Variants in CNKSR3 observed in about 807,000 individuals in gnomAD.
The protein encoded by CNKSR3 is connector enhancer of kinase suppressor of ras 3.
CNKSR3 carries 36 observed loss-of-function variants against 67.7 expected under a neutral mutation model. That is an observed-to-expected ratio of 0.53 (90% CI 0.41 to 0.70). CNKSR3 has a LOEUF of 0.70. CNKSR3 is among the 30% of genes least tolerant of loss of function. CNKSR3 has a pLI of 0.00. For missense variants in CNKSR3, 630 were observed against 695.2 expected (o/e 0.91, Z 1.05); for synonymous variants, 281 against 271.4 (o/e 1.04, Z -0.35).
intron 9 of CNKSR3, among the ~76,000 whole-genome samples, chr6:154,420,490 C>T (rs1785118161): frequency 6.6e-6 from 1 of 151,726 alleles, no homozygotes; most frequent in Non-Finnish European, 1.5e-5. Context: ...GAGATCGAGA[C>T]CATCCCGGCT....
At chr6:154,436,316 C>T (rs1430242914) in intron 4 of CNKSR3, among the ~76,000 whole-genome samples, 2 of 152,156 alleles carry the variant, frequency 1.3e-5, no homozygotes, top group African/African-American at 4.8e-5. Context: ...GGACTACAGG[C>T]ACACACCACC....
At chr6:154,489,333 C>T (rs1411755487) in intron 1 of CNKSR3, among the ~76,000 whole-genome samples, 1 of 152,290 alleles carries the variant, frequency 6.6e-6, no homozygotes, top group East Asian at 1.9e-4. Flanking sequence ...GAGTTCAAGA[C>T]TAGTCTTGGT....
At chr6:154,424,903 T>C (rs1346793106) in intron 7 of CNKSR3, among the ~76,000 whole-genome samples, 1 of 152,050 alleles carries the variant, frequency 6.6e-6, no homozygotes, top group African/African-American at 2.4e-5. Flanking sequence ...TCCCGGGTAG[T>C]TGGGATTATA....
chr6:154,510,228 G>A lies in CNKSR3; in HGVS notation c.-114C>T. 7.8e-7 allele frequency: 1 copy of A among 1,274,436 alleles called. No homozygotes were observed. Among genetic ancestry groups the A allele is most frequent in the Non-Finnish European group, 1.1e-6 (1 of 889,992 alleles). 78.9% of individuals were successfully genotyped at this position (1,274,436 alleles called of 1,614,324 possible). A position where few individuals can be genotyped will look rare whatever the true frequency, so the allele number is the denominator to read the frequency against. On this transcript the variant is annotated 5_prime_UTR_variant, in exon 1 of 13. Coordinates refer to ENST00000607772, the MANE Select transcript of CNKSR3 (RefSeq NM_173515.4). ...CCCGCGGCTGCTCCCCTGCGCCCGA[G>A]CGACTCCGTCAAGACTGCATGGCCG... is the stretch of plus-strand genomic sequence containing the variant.
intron 1 of CNKSR3, among the ~76,000 whole-genome samples, chr6:154,482,782 T>C (rs1786591211): frequency 6.6e-6 from 1 of 152,246 alleles, no homozygotes; most frequent in Admixed American, 6.5e-5. Context: ...TACAAGAAAG[T>C]ATTTCTGTAT....
At chr6:154,503,255 A>T (rs1206153039) in intron 1 of CNKSR3, among the ~76,000 whole-genome samples, 1 of 151,988 alleles carries the variant, frequency 6.6e-6, no homozygotes, top group Non-Finnish European at 1.5e-5. Context: ...CTGAGAACAA[A>T]CTTCAACCAC....
At position 154,396,843 on chromosome 6, in the gene CNKSR3, A is replaced by C. The variant is rs961385897; in HGVS notation, c.*9511T>G. 6.8e-6 allele frequency: 1 copy of C among 147,976 alleles called. No individual in the cohort carries two copies. Among genetic ancestry groups the C allele is most frequent in the African/African-American group, 2.5e-5 (1 of 39,812 alleles). 9.2% of individuals were successfully genotyped at this position (147,976 alleles called of 1,614,324 possible). A position where few individuals can be genotyped will look rare whatever the true frequency, so the allele number is the denominator to read the frequency against. ...GAGACGGAGTCTCGCTCTGTCTCCC[A>C]GGCTGGAGTGCAGTGGCGCAATCTC... On this transcript the variant is annotated 3_prime_UTR_variant, in exon 13 of 13. Transcript: ENST00000607772.
chr6:154,429,891 G>C (rs1216272814), intron 6 of CNKSR3, among the ~76,000 whole-genome samples: 5 of 152,176 alleles, frequency 3.3e-5, no homozygotes, highest in Non-Finnish European at 7.3e-5. Flanking sequence ...TCCCTCAAGA[G>C]CCGGGATTTA....
chr6:154,436,328 C>T (rs563418081), intron 4 of CNKSR3, among the ~76,000 whole-genome samples: 51 of 152,232 alleles, frequency 3.4e-4, no homozygotes, highest in African/African-American at 1.1e-3. Flanking sequence ...CACACCACCA[C>T]GCTTGGCTAA....
intron 9 of CNKSR3, among the ~76,000 whole-genome samples, chr6:154,415,494 G>A (rs1265896408): frequency 9.9e-5 from 15 of 152,092 alleles, no homozygotes; most frequent in Admixed American, 9.8e-4. Context: ...GCCTCCCAAA[G>A]TGCTGGGATT....
chr6:154,426,910 C>T (rs770667162), intron 7 of CNKSR3, among the ~76,000 whole-genome samples: 6 of 152,170 alleles, frequency 3.9e-5, no homozygotes, highest in South Asian at 2.1e-4. Context: ...GTTCTTATCA[C>T]GGCTGAGCTG....
intron 1 of CNKSR3, 117 bp downstream of exon 1, chr6:154,509,946 G>T: frequency 2.7e-6 from 3 of 1,098,976 alleles, no homozygotes; most frequent in Non-Finnish European, 2.8e-6. Context: ...CATTGTCACC[G>T]GGCTGTGCCC....
chr6:154,491,596 C>T (rs78637675), intron 1 of CNKSR3, among the ~76,000 whole-genome samples: 1 of 152,068 alleles, frequency 6.6e-6, no homozygotes, highest in African/African-American at 2.4e-5. Context: ...TTTCTACTTA[C>T]ATGGGTAATT....
At chr6:154,448,232 C>A (rs970952635) in intron 2 of CNKSR3, among the ~76,000 whole-genome samples, 1 of 152,012 alleles carries the variant, frequency 6.6e-6, no homozygotes, top group South Asian at 2.1e-4. Flanking sequence ...GCAGCTGTTA[C>A]GTTTATCATC....
At position 154,505,158 on chromosome 6, in the gene CNKSR3, G is replaced by A. The variant is rs377673394; in HGVS notation, c.52+4905C>T. Among the ~76,000 whole-genome samples the A allele has an allele frequency of 1.1e-4, 16 of 151,524 alleles. 1 individual carries two copies. In the East Asian group the frequency reaches 1.4e-3, roughly 13 times the overall value. On this transcript the variant is annotated intron_variant, in intron 1 of 12. Coordinates refer to ENST00000607772, the MANE Select transcript of CNKSR3 (RefSeq NM_173515.4). ...CAGAAAGAACTGCCTCTGTCTGGACGGTGGCAGGAAGGGCCTAACAGTGCA... is the reference window on the plus strand; with the variant it reads ...CAGAAAGAACTGCCTCTGTCTGGACAGTGGCAGGAAGGGCCTAACAGTGCA...
At chr6:154,509,689 G>A (rs1052017266) in intron 1 of CNKSR3, among the ~76,000 whole-genome samples, 1 of 152,162 alleles carries the variant, frequency 6.6e-6, no homozygotes, top group Non-Finnish European at 1.5e-5. Flanking sequence ...GGCACCTTGT[G>A]CCTCTGCACT....
chr6:154,477,695 T>A (rs1339103021), intron 1 of CNKSR3, among the ~76,000 whole-genome samples: 1 of 152,162 alleles, frequency 6.6e-6, no homozygotes, highest in East Asian at 1.9e-4. Flanking sequence ...GGTAATTAAC[T>A]AGGCCAGCAA....
chr6:154,501,014 C>G (rs1786984641), intron 1 of CNKSR3, among the ~76,000 whole-genome samples: 1 of 152,176 alleles, frequency 6.6e-6, no homozygotes. Flanking sequence ...GTGAACAAGG[C>G]AGAAAGACAG....
chr6:154,463,744 G>T (rs1381930121), intron 1 of CNKSR3, among the ~76,000 whole-genome samples: 1 of 152,150 alleles, frequency 6.6e-6, no homozygotes, highest in Non-Finnish European at 1.5e-5. Context: ...TGAGGGAAGA[G>T]TATCTAGGCC....
Sources: gnomAD v4.1 joint callset for allele counts (sites outside exome capture counted in the v4.1 genomes callset) on GRCh38, gnomAD v4.1.1 for gene constraint, MANE v1.5 for transcripts, NCBI Gene and HGNC (gene_info 2026-07-23, HGNC 2026-07-21) for gene names.